MAP4K4: variants seen among roughly 807,000 people sequenced by gnomAD.
MAP4K4 encodes HPK/GCK-like kinase HGK.
MAP4K4 carries 38 observed loss-of-function variants against 189.6 expected under a neutral mutation model. The ratio of observed to expected loss-of-function variants is 0.20; its 90% CI spans 0.15 to 0.26. MAP4K4 has a LOEUF of 0.26. Among genes scored for constraint, MAP4K4 ranks in the 10% least tolerant of loss-of-function variants. MAP4K4 has a pLI of 1.00. For missense variants in MAP4K4, 1,054 were observed against 1,726.9 expected, an observed-to-expected ratio of 0.61 and a Z score of 6.91; for synonymous variants, 610 against 624.3, an observed-to-expected ratio of 0.98 and a Z score of 0.34.
intron 2 of MAP4K4, among the ~76,000 whole-genome samples, chr2:101,724,428 G>A (rs1032022663): frequency 6.6e-6 from 1 of 152,130 alleles, no homozygotes; most frequent in African/African-American, 2.4e-5. Flanking sequence ...GTCAGTATGG[G>A]CTGTCATTCC....
At chr2:101,808,588 T>C (rs1473189163) in intron 3 of MAP4K4, among the ~76,000 whole-genome samples, 4 of 147,708 alleles carry the variant, frequency 2.7e-5, no homozygotes, top group Non-Finnish European at 5.9e-5. Context: ...GTGAATTTTA[T>C]GATTTATAAA....
At chr2:101,870,401 C>G (rs1444940255) in exon 23 of MAP4K4, 1 of 1,613,596 alleles carries the variant, frequency 6.2e-7, no homozygotes, top group Non-Finnish European at 8.5e-7. Flanking sequence ...GGAGGGCACT[C>G]TAATCGTCCG....
Position 101,856,059 on chromosome 2 carries a change from A to G in MAP4K4, c.1316A>G (p.Glu439Gly). The change falls in exon 13 of 33, where the codon GAG becomes GGG. Residue 439 changes from glutamate (E) to glycine (G), a missense_variant. Physicochemically the swap from Glu to Gly is moderately conservative, Grantham distance 98. Around this residue, in one of 4 missense-constraint regions of MAP4K4, gnomAD observed 646 missense variants for 796.2 expected, o/e 0.81. Transcript: ENST00000324219. ...GAACAAGAAGAAAAGAGGCGTCTAG[A>G]GGAGTTGGAGAGAAGGCGCAAAGAA... 6.4e-7 allele frequency: 1 copy of G among 1,551,798 alleles called. No homozygotes were observed. Among genetic ancestry groups the G allele is most frequent in the Middle Eastern group, 1.7e-4 (1 of 5,994 alleles).
intron 2 of MAP4K4, among the ~76,000 whole-genome samples, chr2:101,738,997 CATT>C (rs1405025082): frequency 6.6e-6 from 1 of 152,086 alleles, no homozygotes; most frequent in African/African-American, 2.4e-5. Context: ...TGCTGGCCGT[CATT>C]ATTCCTTGGT....
intron 3 of MAP4K4, among the ~76,000 whole-genome samples, chr2:101,813,393 G>A (rs1340436798): frequency 1.3e-5 from 2 of 152,236 alleles, no homozygotes; most frequent in African/African-American, 4.8e-5. Context: ...CTGCAGCAGT[G>A]TGAGTGCCCT....
intron 30 of MAP4K4, among the ~76,000 whole-genome samples, 179 bp downstream of exon 30, chr2:101,887,416 G>A (rs2098503942): frequency 6.6e-6 from 1 of 152,144 alleles, no homozygotes; most frequent in Admixed American, 6.5e-5. Flanking sequence ...GTGGAAATCC[G>A]CCTTCCTGGC....
At chr2:101,819,515 G>A (rs757148601) in intron 3 of MAP4K4, among the ~76,000 whole-genome samples, 7 of 151,996 alleles carry the variant, frequency 4.6e-5, no homozygotes, top group Non-Finnish European at 1.0e-4. Context: ...TGTAATAGTC[G>A]TCTATTTTAA....
intron 6 of MAP4K4, 28 bp from the exon 7 acceptor site, chr2:101,831,693 T>G (rs1167850476): frequency 2.9e-5 from 46 of 1,572,070 alleles, no homozygotes; most frequent in Non-Finnish European, 3.9e-5. Context: ...TTTATCTTTC[T>G]TTATCTGCCT....
chr2:101,838,434 A>T (rs10205500), intron 9 of MAP4K4, among the ~76,000 whole-genome samples: 1 of 152,078 alleles, frequency 6.6e-6, no homozygotes, highest in Admixed American at 6.5e-5. Flanking sequence ...ACCCTAACCT[A>T]TTTTTCCATT....
intron 26 of MAP4K4, among the ~76,000 whole-genome samples, chr2:101,875,536 A>AT (rs1439809099): frequency 6.6e-6 from 1 of 152,144 alleles, no homozygotes; most frequent in Admixed American, 6.5e-5. Flanking sequence ...CGTCACAATT[A>AT]TTTATTTCAG....
intron 18 of MAP4K4, 87 bp downstream of exon 18, chr2:101,865,123 C>A: frequency 1.3e-6 from 1 of 795,766 alleles, no homozygotes; most frequent in Non-Finnish European, 2.0e-6. Context: ...TGCTCTTAAA[C>A]ACAGACGTTC....
intron 12 of MAP4K4, among the ~76,000 whole-genome samples, chr2:101,854,322 T>C (rs570340402): frequency 1.1e-4 from 16 of 152,172 alleles, no homozygotes; most frequent in Non-Finnish European, 1.3e-4. Flanking sequence ...CCATTAAAGT[T>C]GTAGTTTTTA....
chr2:101,887,326 GCAGGGATT>G, intron 30 of MAP4K4, 89 bp downstream of exon 30: 1 of 1,341,216 alleles, frequency 7.5e-7, no homozygotes, highest in South Asian at 1.5e-5. Context: ...ACTAACACAA[GCAGGGATT>G]CATTTCCCCT....
chr2:101,797,143 A>G, intron 3 of MAP4K4: 2 of 1,013,082 alleles, frequency 2.0e-6, no homozygotes, highest in African/African-American at 3.4e-5. Flanking sequence ...AGGGGAGCAC[A>G]ATGTAATGAA....
chr2:101,749,211 A>G (rs1163944201), intron 2 of MAP4K4, among the ~76,000 whole-genome samples: 1 of 151,934 alleles, frequency 6.6e-6, no homozygotes, highest in Non-Finnish European at 1.5e-5. Flanking sequence ...AGTCAATCCT[A>G]AGCCAAAAGA....
chr2:101,870,896 T>C (rs2097987185), intron 23 of MAP4K4, among the ~76,000 whole-genome samples: 1 of 152,202 alleles, frequency 6.6e-6, no homozygotes, highest in Non-Finnish European at 1.5e-5. Context: ...GGGAGGTTTC[T>C]CTTCTATGTT....
intron 7 of MAP4K4, among the ~76,000 whole-genome samples, chr2:101,832,950 CCTT>C (rs933117221): frequency 3.9e-5 from 6 of 152,174 alleles, no homozygotes; most frequent in African/African-American, 1.4e-4. Flanking sequence ...TCAAGGAAAA[CCTT>C]CTTAGCAAAA....
At chr2:101,883,498 A>C (rs1256424840) in intron 28 of MAP4K4, among the ~76,000 whole-genome samples, 2 of 152,202 alleles carry the variant, frequency 1.3e-5, no homozygotes, top group Non-Finnish European at 2.9e-5. Context: ...ACGCCCAGCT[A>C]ATCAAAACAA....
chr2:101,755,474 C>T (rs185909104), intron 2 of MAP4K4, among the ~76,000 whole-genome samples: 22 of 152,194 alleles, frequency 1.4e-4, no homozygotes, highest in Admixed American at 1.0e-3. Flanking sequence ...AATTGGTGGG[C>T]GGCCTGAGAC....
Sources: gnomAD v4.1 joint callset for allele counts (sites outside exome capture counted in the v4.1 genomes callset) on GRCh38, gnomAD v4.1.1 for gene constraint, gnomAD v4.1.1 regional missense constraint, MANE v1.5 for transcripts, NCBI Gene and HGNC (gene_info 2026-07-23, HGNC 2026-07-21) for gene names.